CA8: variants seen among roughly 807,000 people sequenced by gnomAD.
CA8 encodes the protein carbonic anhydrase 8 (inactive).
In CA8, 22 loss-of-function variants were observed where a neutral mutation model predicts 41.4. The observed-to-expected ratio is 0.53, with a 90% confidence interval of 0.38 to 0.76. The LOEUF (loss-of-function observed/expected upper bound fraction) is 0.76, where lower values mean the gene tolerates loss of function less well. Ranked by LOEUF, CA8 falls within the 30% of genes least tolerant of loss-of-function variation. The probability of loss-of-function intolerance (pLI) is 0.00; values close to 1 mark genes in which losing one functional copy is unlikely to be tolerated. For synonymous variants in CA8, 121 were observed against 130.6 expected (o/e 0.93, Z 0.50); for missense variants, 270 against 352.8 (o/e 0.77, Z 1.88).
intron 3 of CA8, 178 bp from the exon 4 acceptor site, chr8:60,232,557 T>A: frequency 1.5e-6 from 1 of 664,612 alleles, no homozygotes; most frequent in East Asian, 2.8e-5. Context: ...TTCCTTCTTA[T>A]TTCTGAACAG....
At position 60,222,540 on chromosome 8, in the gene CA8, G is replaced by A. The variant is rs1028841357; in HGVS notation, c.738+109C>T. On this transcript the variant is annotated intron_variant, in intron 7 of 8. Transcript: ENST00000317995. The stretch of plus-strand genomic sequence containing the variant: ...AAGCCATTTAACTTTCATCTGGAAA[G>A]GTATGACTGATCTACAGGAAGCTAA... The A allele has an allele frequency of 1.9e-5, 14 of 735,980 alleles. No individual in the cohort carries two copies. The African/African-American group carries it at 2.4e-4, about 13-fold the overall frequency. The allele number at this position is 735,980 out of a possible 1,614,324, so 45.6% of individuals were successfully genotyped here.
At chr8:60,262,544 C>CA (rs1293992702) in intron 3 of CA8, among the ~76,000 whole-genome samples, 4 of 152,194 alleles carry the variant, frequency 2.6e-5, no homozygotes, top group Non-Finnish European at 4.4e-5. Context: ...AAAACACCCA[C>CA]ACATTATGGA....
chr8:60,217,626 T>C (rs551593073), intron 7 of CA8, among the ~76,000 whole-genome samples: 48 of 152,302 alleles, frequency 3.2e-4, no homozygotes, highest in African/African-American at 9.1e-4. Context: ...TAAAGGCATC[T>C]CAAACTCTCA....
intron 8 of CA8, among the ~76,000 whole-genome samples, chr8:60,197,193 T>C (rs1277929339): frequency 6.6e-6 from 1 of 152,194 alleles, no homozygotes; most frequent in Non-Finnish European, 1.5e-5. Flanking sequence ...GTATTATTGA[T>C]GACAGCTCAT....
chr8:60,245,291 T>C (rs962801029), intron 3 of CA8, among the ~76,000 whole-genome samples: 7 of 152,052 alleles, frequency 4.6e-5, no homozygotes, highest in East Asian at 1.9e-4. Flanking sequence ...AAAAAAATTA[T>C]CTTAAGTGGA....
At chr8:60,240,795 T>C (rs1316373765) in intron 3 of CA8, among the ~76,000 whole-genome samples, 1 of 152,032 alleles carries the variant, frequency 6.6e-6, no homozygotes, top group Non-Finnish European at 1.5e-5. Flanking sequence ...AGAAGCCAAG[T>C]ATCTCACCCA....
intron 8 of CA8, among the ~76,000 whole-genome samples, chr8:60,198,998 C>T (rs1806351575): frequency 6.6e-6 from 1 of 151,960 alleles, no homozygotes; most frequent in African/African-American, 2.4e-5. Flanking sequence ...AATGAACATT[C>T]ATACCTGCAA....
intron 3 of CA8, among the ~76,000 whole-genome samples, chr8:60,239,452 C>A (rs547238042): frequency 1.7e-4 from 26 of 152,224 alleles, no homozygotes; most frequent in African/African-American, 6.0e-4. Flanking sequence ...CTGTCTTGGG[C>A]CACACAGAAA....
At chr8:60,261,946 A>G (rs1014524253) in intron 3 of CA8, among the ~76,000 whole-genome samples, 2 of 151,922 alleles carry the variant, frequency 1.3e-5, no homozygotes, top group Non-Finnish European at 2.9e-5. Flanking sequence ...TCCTGACCTC[A>G]TGATCCGCCC....
intron 8 of CA8, among the ~76,000 whole-genome samples, chr8:60,201,370 C>T (rs567498023): frequency 3.9e-4 from 60 of 152,280 alleles, no homozygotes; most frequent in Non-Finnish European, 6.9e-4. Flanking sequence ...GCCCCAAAGG[C>T]TGAACCATGA....
intron 2 of CA8, among the ~76,000 whole-genome samples, chr8:60,270,945 G>A (rs1304248454): frequency 6.6e-6 from 1 of 152,108 alleles, no homozygotes; most frequent in Non-Finnish European, 1.5e-5. Context: ...CATAACAATA[G>A]CACAGAGAGC....
At chr8:60,208,485 T>C in intron 8 of CA8, 1 of 425,950 alleles carries the variant, frequency 2.3e-6, no homozygotes, top group Admixed American at 3.6e-5. Context: ...CCTGAGGGTG[T>C]CTGTTCTTAT....
intron 3 of CA8, among the ~76,000 whole-genome samples, chr8:60,264,442 G>A (rs1415808509): frequency 6.6e-6 from 1 of 152,206 alleles, no homozygotes; most frequent in East Asian, 1.9e-4. Context: ...GCGACCCAGT[G>A]GGGTTAACTG....
intron 8 of CA8, among the ~76,000 whole-genome samples, chr8:60,205,312 G>T (rs1806542442): frequency 1.3e-5 from 2 of 152,034 alleles, no homozygotes; most frequent in Admixed American, 1.3e-4. Flanking sequence ...CAATATTTAG[G>T]TCACAAGCGA....
intron 7 of CA8, among the ~76,000 whole-genome samples, chr8:60,214,178 C>T (rs1806936492): frequency 2.0e-5 from 3 of 152,208 alleles, no homozygotes. Context: ...TATTTTCTCA[C>T]AGTTCTGGAG....
At position 60,240,545 on chromosome 8, in the gene CA8, A is replaced by T. The variant is rs574434954; in HGVS notation, c.418-8166T>A. On this transcript the variant is annotated intron_variant, in intron 3 of 8. Coordinates refer to ENST00000317995, the MANE Select transcript of CA8 (RefSeq NM_004056.6). ...TGTTAAGTTTTGATGAATAATAAAT[A>T]TTCAATGCAGCCCATGAACTCAGAT... is the stretch of plus-strand genomic sequence containing the variant. Among the ~76,000 whole-genome samples, 198 of 152,368 alleles carry T rather than the reference A, an allele frequency of 1.3e-3. 3 individuals carry two copies. Among genetic ancestry groups the T allele is most frequent in the Admixed American group, 3.5e-3 (54 of 15,310 alleles).
At chr8:60,275,983 C>T (rs892992114) in intron 2 of CA8, among the ~76,000 whole-genome samples, 8 of 152,268 alleles carry the variant, frequency 5.3e-5, no homozygotes, top group African/African-American at 1.9e-4. Context: ...CAGACTGCCG[C>T]TCCAGGCTAA....
At chr8:60,279,323 C>G (rs1804335525) in intron 2 of CA8, among the ~76,000 whole-genome samples, 1 of 152,166 alleles carries the variant, frequency 6.6e-6, no homozygotes, top group Admixed American at 6.5e-5. Flanking sequence ...AGTAGCAAAA[C>G]AGAGAATTAT....
intron 5 of CA8, 109 bp downstream of exon 5, chr8:60,226,764 A>C (rs1469064248): frequency 5.6e-6 from 4 of 710,022 alleles, no homozygotes; most frequent in Admixed American, 2.1e-5. Context: ...CAAGGACAGC[A>C]GCTTTTCTGA....
Sources: gnomAD v4.1 joint callset for allele counts (sites outside exome capture counted in the v4.1 genomes callset) on GRCh38, gnomAD v4.1.1 for gene constraint, MANE v1.5 for transcripts, NCBI Gene and HGNC (gene_info 2026-07-23, HGNC 2026-07-21) for gene names.